The following PCDHA5 variants were observed in gnomAD, a reference collection of about 807,000 sequenced individuals.
PCDHA5 encodes protocadherin alpha 5, also known as protocadherin alpha-5.
A neutral mutation model predicts 61.6 loss-of-function variants in PCDHA5; 43 were observed. The ratio of observed to expected loss-of-function variants is 0.70; its 90% CI spans 0.55 to 0.90. The LOEUF is 0.90. Among genes scored for constraint, PCDHA5 ranks in the 40% least tolerant of loss-of-function variants. The pLI is 0.00. For missense variants in PCDHA5, 1,298 were observed against 1,222.7 expected, an observed-to-expected ratio of 1.06 and a Z score of -0.92; for synonymous variants, 627 against 543.9, an observed-to-expected ratio of 1.15 and a Z score of -2.13.
intron 1 of PCDHA5, among the ~76,000 whole-genome samples, chr5:140,936,121 G>C (rs1381895785): frequency 6.6e-6 from 1 of 152,068 alleles, no homozygotes; most frequent in Non-Finnish European, 1.5e-5. Flanking sequence ...TCGAACTCCT[G>C]ACCTTAAGTG....
chr5:140,926,756 G>T, intron 1 of PCDHA5: 1 of 1,289,704 alleles, frequency 7.8e-7, no homozygotes, highest in South Asian at 2.2e-5. Context: ...GGCGGTCGCT[G>T]AGTATCCAGC....
intron 3 of PCDHA5, among the ~76,000 whole-genome samples, chr5:140,990,327 A>G (rs2097387817): frequency 1.3e-5 from 2 of 152,174 alleles, no homozygotes; most frequent in African/African-American, 4.8e-5. Flanking sequence ...AACAAACTTT[A>G]AAAATAAGTA....
intron 1 of PCDHA5, chr5:140,841,711 GC>G (rs2150321418): frequency 1.9e-6 from 3 of 1,613,890 alleles, no homozygotes; most frequent in Non-Finnish European, 1.7e-6. Context: ...ATGACAACCC[GC>G]CAGTGTTCCG....
At position 140,850,869 on chromosome 5, in the gene PCDHA5, T is replaced by C. The variant is rs1204218607; in HGVS notation, c.2352+26742T>C. 3.3e-5 allele frequency: 52 copies of C among 1,591,956 alleles called. 5 individuals carry two copies. The highest frequency in any genetic ancestry group is 4.2e-5 in the Non-Finnish European group (49 of 1,163,508). ...AGAGCGAACGGGAGAACCCTCTGCT[T>C]CCTCAGATTCAACTGGGAAGGTGGG... On this transcript the variant is annotated intron_variant, in intron 1 of 3. Coordinates refer to ENST00000529859, the MANE Select transcript of PCDHA5 (RefSeq NM_018908.3).
chr5:140,913,898 CTTTT>C (rs1351691139), intron 1 of PCDHA5, among the ~76,000 whole-genome samples: 2 of 152,020 alleles, frequency 1.3e-5, no homozygotes, highest in African/African-American at 4.8e-5. Flanking sequence ...CAAAATTCCC[CTTTT>C]TTATTTCTAA....
chr5:140,852,232 T>A (rs1441900683), intron 1 of PCDHA5: 2 of 602,048 alleles, frequency 3.3e-6, no homozygotes, highest in African/African-American at 4.0e-5. Context: ...TTTTAAATTT[T>A]CCCTTAAAAC....
chr5:140,888,494 T>C (rs1554183489), intron 1 of PCDHA5, among the ~76,000 whole-genome samples: 1 of 152,236 alleles, frequency 6.6e-6, no homozygotes, highest in Non-Finnish European at 1.5e-5. Context: ...GAAACTCTGC[T>C]TTAAAGAGTC....
At chr5:140,828,586 T>A (rs1769839887) in intron 1 of PCDHA5, 1 of 1,614,124 alleles carries the variant, frequency 6.2e-7, no homozygotes, top group African/African-American at 1.3e-5. Flanking sequence ...TTGGCTCAAA[T>A]TCCATCTTAA....
At chr5:140,871,530 T>C (rs188075654) in intron 1 of PCDHA5, 2 of 1,514,446 alleles carry the variant, frequency 1.3e-6, no homozygotes, top group Admixed American at 4.8e-5. Flanking sequence ...TCAGGAAGTG[T>C]ATGTGAAATT....
At chr5:140,906,966 G>A (rs1401949243) in intron 1 of PCDHA5, among the ~76,000 whole-genome samples, 5 of 152,120 alleles carry the variant, frequency 3.3e-5, no homozygotes, top group African/African-American at 1.2e-4. Context: ...TGGAATCGTG[G>A]TTGTGTCTTC....
intron 1 of PCDHA5, chr5:140,882,791 A>G (rs1554175610): frequency 6.2e-7 from 1 of 1,614,254 alleles, no homozygotes; most frequent in South Asian, 1.1e-5. Context: ...ACTGGATCCC[A>G]ACGATTATTT....
chr5:140,967,401 G>A lies in PCDHA5; in HGVS notation c.2353-11548G>A. On this transcript the variant is annotated intron_variant, in intron 1 of 3. Transcript: ENST00000529859. ...AGTAAAGTGCTTGAGCTGGTGCTGC[G>A]TAAGGGCCTAGACCGGGAGCAGGCA... 3.1e-6 allele frequency: 5 copies of A among 1,611,944 alleles called. No individual in the cohort carries two copies. Among genetic ancestry groups the A allele is most frequent in the East Asian group, 2.2e-5 (1 of 44,806 alleles).
intron 1 of PCDHA5, chr5:140,868,074 T>C (rs1554161742): frequency 6.6e-6 from 1 of 152,138 alleles, no homozygotes; most frequent in Non-Finnish European, 1.5e-5. Context: ...AGGGTGATTT[T>C]ATTTATTTTA....
At chr5:140,835,603 T>G (rs2150239266) in intron 1 of PCDHA5, 10 of 1,613,804 alleles carry the variant, frequency 6.2e-6, no homozygotes, top group Non-Finnish European at 1.7e-6. Context: ...TACTATTCAT[T>G]GGTGCTGGAC....
chr5:140,986,358 A>C (rs1440671712), intron 3 of PCDHA5, among the ~76,000 whole-genome samples: 1 of 152,116 alleles, frequency 6.6e-6, no homozygotes, highest in African/African-American at 2.4e-5. Context: ...CTTCAGATGG[A>C]GGAATGCGTT....
At chr5:140,886,605 A>G (rs998772471) in intron 1 of PCDHA5, among the ~76,000 whole-genome samples, 2 of 152,108 alleles carry the variant, frequency 1.3e-5, no homozygotes, top group Non-Finnish European at 2.9e-5. Flanking sequence ...AGGTGGGCGG[A>G]TCAGGAGATC....
intron 3 of PCDHA5, among the ~76,000 whole-genome samples, chr5:140,990,016 G>A (rs1211656433): frequency 6.6e-6 from 1 of 152,138 alleles, no homozygotes; most frequent in East Asian, 1.9e-4. Flanking sequence ...GCGTGGGCTA[G>A]GCAAAGGATG....
intron 1 of PCDHA5, among the ~76,000 whole-genome samples, chr5:140,938,194 C>T (rs782229712): frequency 5.9e-5 from 9 of 152,206 alleles, no homozygotes; most frequent in South Asian, 2.1e-4. Context: ...AATCCTCCCA[C>T]GCCAGCCTCC....
At position 140,858,352 on chromosome 5, in the gene PCDHA5, G is replaced by T; in HGVS notation, c.2352+34225G>T. On this transcript the variant is annotated intron_variant, in intron 1 of 3. Coordinates refer to ENST00000529859, the MANE Select transcript of PCDHA5 (RefSeq NM_018908.3). ...AGGGCCTGCCCAAGGCGGACCTCATGGCCTTCAGCCCCAGCCTTCCACCAT... is the reference window on the plus strand; with the variant it reads ...AGGGCCTGCCCAAGGCGGACCTCATTGCCTTCAGCCCCAGCCTTCCACCAT... 1.3e-6 allele frequency: 2 copies of T among 1,593,948 alleles called. 1 individual carries two copies. Among genetic ancestry groups the T allele is most frequent in the Non-Finnish European group, 1.7e-6 (2 of 1,165,108 alleles).
Sources: allele counts gnomAD v4.1 joint callset (sites outside exome capture counted in the v4.1 genomes callset), GRCh38; gene constraint gnomAD v4.1.1; transcripts MANE v1.5; gene names NCBI Gene and HGNC (gene_info 2026-07-23, HGNC 2026-07-21).